The following NCOA6 variants were observed in gnomAD, a reference collection of about 807,000 sequenced individuals.
The protein encoded by NCOA6 is NRC RAP250.
A neutral mutation model predicts 171.4 loss-of-function variants in NCOA6; 49 were observed. That is an observed-to-expected ratio of 0.29 (90% CI 0.23 to 0.36). The LOEUF (loss-of-function observed/expected upper bound fraction) is 0.36. Ranked by LOEUF, NCOA6 falls within the 10% of genes least tolerant of loss-of-function variation. The pLI is 1.00. For synonymous variants in NCOA6, 910 were observed against 927.5 expected, an observed-to-expected ratio of 0.98 and a Z score of 0.34; for missense variants, 2,248 against 2,554.5, an observed-to-expected ratio of 0.88 and a Z score of 2.59.
At chr20:34,811,509 A>G (rs1256877650) in intron 1 of NCOA6, among the ~76,000 whole-genome samples, 1 of 152,034 alleles carries the variant, frequency 6.6e-6, no homozygotes, top group Non-Finnish European at 1.5e-5. Flanking sequence ...TTTCAGATTT[A>G]CAGAACATGA....
At chr20:34,796,869 G>C (rs949510328) in intron 1 of NCOA6, among the ~76,000 whole-genome samples, 3 of 151,874 alleles carry the variant, frequency 2.0e-5, no homozygotes, top group African/African-American at 7.3e-5. Flanking sequence ...AGGTCCATGG[G>C]AGCTGAGGGT....
Position 34,741,757 on chromosome 20 carries a change from G to T in NCOA6, c.4499C>A (p.Ala1500Asp). ...SLSQLLDNSG[A>D]PNVTIKPPGL... is the part of the protein sequence containing the mutation. The stretch of plus-strand genomic sequence containing the variant: ...AGGGGGTTTAATTGTCACATTGGGA[G>T]CTCCAGAGTTGTCAAGAAGTTGACT... Residue 1500 changes from alanine to aspartate, a missense_variant, in exon 11 of 15, where the codon GCT (alanine) becomes GAT (aspartate). Physicochemically the swap from Ala to Asp is moderately radical, Grantham distance 126 (BLOSUM62 -2). Around this residue, in one of 7 missense-constraint regions of NCOA6, gnomAD observed 884 missense variants for 941.9 expected, o/e 0.94. Coordinates refer to ENST00000359003, the MANE Select transcript of NCOA6 (RefSeq NM_014071.5). 1 of 1,614,196 alleles carries T rather than the reference G, an allele frequency of 6.2e-7. No homozygotes were observed. Among genetic ancestry groups the T allele is most frequent in the Non-Finnish European group, 8.5e-7 (1 of 1,180,046 alleles).
At chr20:34,738,700 A>G (rs1437911131) in intron 11 of NCOA6, among the ~76,000 whole-genome samples, 1 of 152,268 alleles carries the variant, frequency 6.6e-6, no homozygotes, top group East Asian at 1.9e-4. Context: ...TGGCCACTTG[A>G]CAAATCTTCT....
At chr20:34,723,377 G>T (rs1013149749) in intron 14 of NCOA6, among the ~76,000 whole-genome samples, 4 of 152,210 alleles carry the variant, frequency 2.6e-5, no homozygotes, top group Non-Finnish European at 4.4e-5. Flanking sequence ...AGCGTGTTGT[G>T]AGAGTATAGC....
chr20:34,740,887 G>C lies in NCOA6; in HGVS notation c.5369C>G (p.Thr1790Ser). 6.2e-7 allele frequency: 1 copy of C among 1,614,236 alleles called. No individual in the cohort carries two copies. The highest frequency in any genetic ancestry group is 8.5e-7 in the Non-Finnish European group (1 of 1,180,046). Residue 1790 changes from threonine to serine, a missense_variant, in exon 11 of 15, where the codon ACC becomes AGC. By Grantham distance (58) the Thr-to-Ser change is moderately conservative. Transcript: ENST00000359003. ...GGTCAAAAGGGGAGAAACCATTGTGGTTGACTGTGAAGAGGGAAGAGTGTT... is the reference window on the plus strand; with the variant it reads ...GGTCAAAAGGGGAGAAACCATTGTGCTTGACTGTGAAGAGGGAAGAGTGTT... ...DQNTLPSSQS[T>S]TMVSPLLTNS...
chr20:34,719,885 G>C (rs917146167), intron 14 of NCOA6, among the ~76,000 whole-genome samples: 1 of 152,136 alleles, frequency 6.6e-6, no homozygotes, highest in African/African-American at 2.4e-5. Context: ...ATAAATGTAT[G>C]TTCACTTGCA....
chr20:34,721,592 C>T (rs1398512477), intron 14 of NCOA6, among the ~76,000 whole-genome samples: 1 of 152,122 alleles, frequency 6.6e-6, no homozygotes, highest in Non-Finnish European at 1.5e-5. Flanking sequence ...GCACAGTTTA[C>T]AGTAGGGTTC....
At position 34,821,833 on chromosome 20, in the gene NCOA6, C is replaced by T. The variant is rs551854726; in HGVS notation, c.-164+3639G>A. Reference sequence around the variant, plus strand: ...CGATCTCCTGACCTCGTGATCCGCCCGCCTCGGCCTCCCAAAGTGCTGGGA... The same window carrying T: ...CGATCTCCTGACCTCGTGATCCGCCTGCCTCGGCCTCCCAAAGTGCTGGGA... On this transcript the variant is annotated intron_variant, in intron 1 of 14. Transcript: ENST00000359003. 3.3e-5 allele frequency among the ~76,000 whole-genome samples: 5 copies of T among 152,272 alleles called. No homozygotes were observed. The East Asian group carries it at 7.7e-4, about 24-fold the overall frequency.
chr20:34,718,480 CTT>C (rs913628188), intron 14 of NCOA6, among the ~76,000 whole-genome samples: 3 of 140,602 alleles, frequency 2.1e-5, no homozygotes, highest in African/African-American at 2.6e-5. Context: ...GGCAAATCAC[CTT>C]TTTTTTTTTT....
intron 1 of NCOA6, among the ~76,000 whole-genome samples, chr20:34,803,320 T>C (rs1036775547): frequency 6.6e-6 from 1 of 151,654 alleles, no homozygotes; most frequent in African/African-American, 2.4e-5. Flanking sequence ...ATACAAAAAT[T>C]AGCAGGGTGT....
chr20:34,727,306 T>C lies in NCOA6; in HGVS notation c.6101A>G (p.His2034Arg), dbSNP rs1990076766. The change falls in exon 14 of 15, where the codon CAT becomes CGT. Residue 2034 changes from histidine to arginine, a missense_variant. Around this residue, in one of 7 missense-constraint regions of NCOA6, gnomAD observed 884 missense variants for 941.9 expected, o/e 0.94. Transcript: ENST00000359003. ...TVASESVENGHRKRSSRPASA... is the reference protein window; with the variant it reads ...TVASESVENGRRKRSSRPASA... ...AGCAGGTCGAGAAGATCGTTTACGA[T>C]GTCCATTTTCCACACTTTCAGAGGC... 2 of 1,614,224 alleles carry C rather than the reference T, an allele frequency of 1.2e-6. No homozygotes were observed. Among genetic ancestry groups the C allele is most frequent in the Non-Finnish European group, 1.7e-6 (2 of 1,180,040 alleles).
chr20:34,758,200 T>C lies in NCOA6; in HGVS notation c.644-96A>G, dbSNP rs1457434695. The C allele has an allele frequency of 3.4e-6, 5 of 1,451,606 alleles. No individual in the cohort carries two copies. The Admixed American group carries it at 9.1e-5, about 26-fold the overall frequency. The allele number at this position is 1,451,606 out of a possible 1,614,324, so 89.9% of individuals were successfully genotyped here. On this transcript the variant is annotated intron_variant, in intron 6 of 14. Transcript: ENST00000359003. Reference sequence around the variant, plus strand: ...AATTCTGGATATACAGAGCAAAATCTGCTGGTACTATTCGATAAAATAAAT... The same window carrying C: ...AATTCTGGATATACAGAGCAAAATCCGCTGGTACTATTCGATAAAATAAAT...
intron 12 of NCOA6, among the ~76,000 whole-genome samples, chr20:34,733,354 C>A (rs530080847): frequency 2.6e-5 from 4 of 152,322 alleles, no homozygotes; most frequent in African/African-American, 9.6e-5. Context: ...CCTGTTCCCC[C>A]ATTGAGGGAA....
At chr20:34,795,735 GAA>G (rs2146380738) in intron 1 of NCOA6, among the ~76,000 whole-genome samples, 1 of 152,304 alleles carries the variant, frequency 6.6e-6, no homozygotes, top group South Asian at 2.1e-4. Flanking sequence ...GCAGCTGGGG[GAA>G]ACTGAATGTG....
intron 10 of NCOA6, among the ~76,000 whole-genome samples, chr20:34,744,126 T>C (rs572146537): frequency 6.6e-6 from 1 of 152,334 alleles, no homozygotes; most frequent in Non-Finnish European, 1.5e-5. Context: ...ACTTACTTTC[T>C]TACATGCAAA....
chr20:34,768,488 C>T lies in NCOA6; in HGVS notation c.490G>A (p.Gly164Arg). The change falls in exon 5 of 15, where the codon GGA becomes AGA. Residue 164 changes from glycine to arginine, a missense_variant. Gly to Arg is a moderately radical substitution (Grantham distance 125). Coordinates refer to ENST00000359003, the MANE Select transcript of NCOA6 (RefSeq NM_014071.5). ...CCTGGACCACTTGCCATAGGAAATC[C>T]CGCCTCCATCCTAACTGAATTTCCA... ...GAGNSVRMEA[G>R]FPMASGPGII... 2 of 1,614,022 alleles carry T rather than the reference C, an allele frequency of 1.2e-6. No individual in the cohort carries two copies. Among genetic ancestry groups the T allele is most frequent in the African/African-American group, 1.3e-5 (1 of 74,996 alleles).
chr20:34,816,604 T>A (rs537606527), intron 1 of NCOA6, among the ~76,000 whole-genome samples: 39 of 152,162 alleles, frequency 2.6e-4, no homozygotes, highest in African/African-American at 9.1e-4. Flanking sequence ...TTTACCATGT[T>A]GGCCAGGCTG....
chr20:34,796,003 A>ATTTT (rs569229378), intron 1 of NCOA6, among the ~76,000 whole-genome samples: 26 of 95,766 alleles, frequency 2.7e-4, no homozygotes, highest in East Asian at 8.3e-4. Flanking sequence ...ATATGTTTGA[A>ATTTT]TTTTTTTTTT....
chr20:34,790,005 C>T (rs1476981618), intron 2 of NCOA6, among the ~76,000 whole-genome samples: 1 of 150,456 alleles, frequency 6.6e-6, no homozygotes, highest in Non-Finnish European at 1.5e-5. Flanking sequence ...GAGGCCAAGG[C>T]GGGTGGATCA....
Sources: gnomAD v4.1 joint callset for allele counts (sites outside exome capture counted in the v4.1 genomes callset) on GRCh38, gnomAD v4.1.1 for gene constraint, gnomAD v4.1.1 regional missense constraint, MANE v1.5 for transcripts, NCBI Gene and HGNC (gene_info 2026-07-23, HGNC 2026-07-21) for gene names.